The following UBE2E2 variants were observed in gnomAD, a reference collection of about 807,000 sequenced individuals.
UBE2E2 encodes the protein ubiquitin-conjugating enzyme E2 E2.
UBE2E2 carries 6 observed loss-of-function variants against 24.7 expected under a neutral mutation model. That is an observed-to-expected ratio of 0.24 (90% CI 0.13 to 0.48). The LOEUF (loss-of-function observed/expected upper bound fraction) is 0.48. Among genes scored for constraint, UBE2E2 ranks in the 20% least tolerant of loss-of-function variants. The pLI is 0.99. For missense variants in UBE2E2, 169 were observed against 245.0 expected (o/e 0.69, Z 2.07); for synonymous variants, 104 against 83.6 (o/e 1.24, Z -1.33).
At chr3:23,400,958 A>G (rs987360999) in intron 3 of UBE2E2, among the ~76,000 whole-genome samples, 1 of 152,194 alleles carries the variant, frequency 6.6e-6, no homozygotes, top group African/African-American at 2.4e-5. Context: ...ACAAATAAAT[A>G]AGAAAATAAT....
At chr3:23,499,440 C>T (rs1022670269) in intron 3 of UBE2E2, among the ~76,000 whole-genome samples, 168 bp from the exon 4 acceptor site, 13 of 152,186 alleles carry the variant, frequency 8.5e-5, no homozygotes, top group African/African-American at 1.9e-4. Flanking sequence ...ACATATTTCA[C>T]TTCTAGGATA....
At chr3:23,212,635 A>C (rs1240021717) in intron 2 of UBE2E2, among the ~76,000 whole-genome samples, 1 of 152,100 alleles carries the variant, frequency 6.6e-6, no homozygotes, top group Non-Finnish European at 1.5e-5. Context: ...GTTAGGTTGA[A>C]AGATTGATTC....
At chr3:23,567,527 G>A (rs1444986165) in intron 5 of UBE2E2, among the ~76,000 whole-genome samples, 1 of 152,168 alleles carries the variant, frequency 6.6e-6, no homozygotes, top group Non-Finnish European at 1.5e-5. Context: ...GTCACTTATA[G>A]GAAATGGATC....
intron 3 of UBE2E2, among the ~76,000 whole-genome samples, chr3:23,366,872 A>G (rs1559363304): frequency 6.6e-6 from 1 of 152,242 alleles, no homozygotes; most frequent in African/African-American, 2.4e-5. Context: ...TTCAATTAAG[A>G]AAATTTGTAT....
intron 3 of UBE2E2, among the ~76,000 whole-genome samples, chr3:23,400,232 A>G: frequency 6.6e-6 from 1 of 152,214 alleles, no homozygotes. Flanking sequence ...TGTTATAGAA[A>G]ACATAAACAT....
At chr3:23,307,402 T>C (rs1699266565) in intron 3 of UBE2E2, among the ~76,000 whole-genome samples, 1 of 152,184 alleles carries the variant, frequency 6.6e-6, no homozygotes, top group South Asian at 2.1e-4. Flanking sequence ...TTATATACTG[T>C]CCAGCTTCCA....
chr3:23,339,038 A>T (rs1695298782), intron 3 of UBE2E2, among the ~76,000 whole-genome samples: 1 of 152,184 alleles, frequency 6.6e-6, no homozygotes, highest in Non-Finnish European at 1.5e-5. Context: ...GAGAAAATGG[A>T]CATCTTCTTA....
intron 4 of UBE2E2, among the ~76,000 whole-genome samples, chr3:23,502,966 T>C (rs1699756313): frequency 6.6e-6 from 1 of 152,192 alleles, no homozygotes. Flanking sequence ...ATATTATTTC[T>C]CTGTGAAAAT....
intron 3 of UBE2E2, among the ~76,000 whole-genome samples, chr3:23,306,173 A>G (rs919161988): frequency 3.9e-5 from 6 of 152,334 alleles, no homozygotes; most frequent in African/African-American, 1.4e-4. Context: ...TTTTCATTTT[A>G]TAACAGTGAT....
intron 3 of UBE2E2, among the ~76,000 whole-genome samples, chr3:23,350,727 G>A (rs1695720931): frequency 6.6e-6 from 1 of 152,178 alleles, no homozygotes; most frequent in Admixed American, 6.5e-5. Context: ...CAAGAAATAT[G>A]GGACTATGTG....
chr3:23,351,039 C>T (rs756956002), intron 3 of UBE2E2, among the ~76,000 whole-genome samples: 34 of 152,262 alleles, frequency 2.2e-4, no homozygotes, highest in Admixed American at 9.2e-4. Flanking sequence ...GCAGATCTCT[C>T]GGCAGAAACT....
chr3:23,238,004 C>T lies in UBE2E2; in HGVS notation c.227+20692C>T, dbSNP rs1697161825. ...TGATGCAGCTCAACAACCATAAATA[C>T]ATTCAGGACTCACAGGTTGACATTT... On this transcript the variant is annotated intron_variant, in intron 3 of 5. Transcript: ENST00000396703. Among the ~76,000 whole-genome samples, 2 of 152,076 alleles carry T rather than the reference C, an allele frequency of 1.3e-5. 1 individual carries two copies. The highest frequency in any genetic ancestry group is 4.1e-4 in the South Asian group (2 of 4,826).
At chr3:23,242,065 A>G (rs766553944) in intron 3 of UBE2E2, among the ~76,000 whole-genome samples, 10 of 151,394 alleles carry the variant, frequency 6.6e-5, no homozygotes, top group African/African-American at 2.4e-4. Context: ...TTGGGCTAAC[A>G]CACCTAGCTA....
rs891460934 is a variant in UBE2E2 at position 23,589,362 on chromosome 3, A to G, written c.509-372A>G. On this transcript the variant is annotated intron_variant, in intron 5 of 5. Transcript: ENST00000396703. This position sits in a 1 kb window ranked among gnomAD's most constrained non-coding sequence, Gnocchi z 4.1. The stretch of plus-strand genomic sequence containing the variant: ...TGCTTGATCCCAGGAGGTCAAGGCT[A>G]CACTGAGCTGTGATCATGCCACTGC... 3.3e-5 allele frequency among the ~76,000 whole-genome samples: 5 copies of G among 151,892 alleles called. No homozygotes were observed. Among genetic ancestry groups the G allele is most frequent in the African/African-American group, 1.2e-4 (5 of 41,344 alleles).
chr3:23,328,858 C>A (rs933337917), intron 3 of UBE2E2, among the ~76,000 whole-genome samples: 1 of 152,098 alleles, frequency 6.6e-6, no homozygotes, highest in Admixed American at 6.5e-5. Context: ...GACGGGGTTT[C>A]ACCATGTTGG....
At chr3:23,562,207 G>T (rs1695949708) in intron 5 of UBE2E2, among the ~76,000 whole-genome samples, 1 of 151,994 alleles carries the variant, frequency 6.6e-6, no homozygotes, top group African/African-American at 2.4e-5. Flanking sequence ...CTGTGGGTTT[G>T]TCATAGATAG....
At chr3:23,479,499 C>T (rs1559396676) in intron 3 of UBE2E2, among the ~76,000 whole-genome samples, 2 of 152,088 alleles carry the variant, frequency 1.3e-5, no homozygotes, top group African/African-American at 4.8e-5. Context: ...GGCCGTAGCT[C>T]TTCTCTCTTT....
At chr3:23,362,168 ACATT>A (rs1394937888) in intron 3 of UBE2E2, among the ~76,000 whole-genome samples, 1 of 152,178 alleles carries the variant, frequency 6.6e-6, no homozygotes. Context: ...CTGAGAAACC[ACATT>A]AGGGTCCATC....
chr3:23,553,966 C>A (rs1306946535), intron 5 of UBE2E2, among the ~76,000 whole-genome samples: 2 of 152,020 alleles, frequency 1.3e-5, no homozygotes, highest in Non-Finnish European at 2.9e-5. Context: ...AATGCCCATA[C>A]TACCAAAAGC....
Sources: gnomAD v4.1 joint callset for allele counts (sites outside exome capture counted in the v4.1 genomes callset) on GRCh38, gnomAD v4.1.1 for gene constraint, Gnocchi (gnomAD v3.1) non-coding constraint, MANE v1.5 for transcripts, NCBI Gene and HGNC (gene_info 2026-07-23, HGNC 2026-07-21) for gene names.